The following GORASP2 variants were observed in gnomAD, a reference collection of about 807,000 sequenced individuals.
The protein encoded by GORASP2 is Golgi reassembly-stacking protein 2.
GORASP2 carries 22 observed loss-of-function variants against 45.7 expected under a neutral mutation model. The observed-to-expected ratio is 0.48, with a 90% CI of 0.34 to 0.69. The LOEUF is 0.69. GORASP2 is among the 30% of genes least tolerant of loss of function. GORASP2 has a pLI of 0.01. For missense variants in GORASP2, 491 were observed against 562.7 expected (o/e 0.87, Z 1.29); for synonymous variants, 221 against 215.6 (o/e 1.02, Z -0.22).
At chr2:170,961,798 A>T in intron 8 of GORASP2, 49 bp downstream of exon 8, 7 of 898,070 alleles carry the variant, frequency 7.8e-6, no homozygotes, top group South Asian at 1.3e-5. Context: ...AGTATTACTG[A>T]TATTTGCATC....
rs1575478904 is a variant in GORASP2 at position 170,958,676 on chromosome 2, A to ATTT, written c.823+2117_823+2118insTTT. On this transcript the variant is annotated intron_variant, in intron 7 of 9. Coordinates refer to ENST00000234160, the MANE Select transcript of GORASP2 (RefSeq NM_015530.5). Reference sequence around the variant, plus strand: ...CTCTTTTTTTTTTTTTTTTTTTTTAAAAAAAAAAAAAACAGACTCTGTTGC... The same window carrying ATTT: ...CTCTTTTTTTTTTTTTTTTTTTTTAATTTAAAAAAAAAAAACAGACTCTGTTGC... 5.5e-3 allele frequency among the ~76,000 whole-genome samples: 297 copies of ATTT among 54,368 alleles called. 1 individual carries two copies. The highest frequency in any genetic ancestry group is 0.011 in the Middle Eastern group (1 of 88). The allele number at this position is 54,368 out of a possible 152,430, so 35.7% of individuals were successfully genotyped here. A position where few individuals can be genotyped will look rare whatever the true frequency, so the allele number is the denominator to read the frequency against.
intron 6 of GORASP2, 116 bp from the exon 7 acceptor site, chr2:170,956,320 G>C (rs1030778365): frequency 2.3e-6 from 2 of 866,016 alleles, no homozygotes; most frequent in Non-Finnish European, 3.5e-6. Flanking sequence ...GATGAAGCTT[G>C]TGACAGCTCA....
At chr2:170,963,428 T>TGCC (rs1187314155) in intron 9 of GORASP2, among the ~76,000 whole-genome samples, 161 of 140,542 alleles carry the variant, frequency 1.1e-3, no homozygotes, top group African/African-American at 4.1e-3. Flanking sequence ...CAGTCCCCGC[T>TGCC]GCTACTGCTG....
intron 6 of GORASP2, 150 bp from the exon 7 acceptor site, chr2:170,956,286 G>T: frequency 3.3e-6 from 2 of 606,700 alleles, no homozygotes; most frequent in East Asian, 3.0e-5. Flanking sequence ...AATTAGGAGG[G>T]AGTGTCTGGA....
intron 1 of GORASP2, among the ~76,000 whole-genome samples, chr2:170,939,835 T>C (rs1704032798): frequency 6.6e-6 from 1 of 152,214 alleles, no homozygotes; most frequent in African/African-American, 2.4e-5. Flanking sequence ...TTATATCACA[T>C]TCCCAGATCT....
At chr2:170,954,619 T>C in intron 5 of GORASP2, 31 bp from the exon 6 acceptor site, 1 of 1,585,808 alleles carries the variant, frequency 6.3e-7, no homozygotes, top group Non-Finnish European at 8.6e-7. Flanking sequence ...CTGTGATAGA[T>C]AACAACGTTA....
chr2:170,964,451 G>A (rs368214835), intron 9 of GORASP2, among the ~76,000 whole-genome samples: 5 of 152,232 alleles, frequency 3.3e-5, no homozygotes, highest in Admixed American at 2.0e-4. Flanking sequence ...TCAGAAGTTC[G>A]AGACCAGCCT....
chr2:170,929,000 C>T, upstream of GORASP2: 1 of 254,562 alleles, frequency 3.9e-6, no homozygotes, highest in Admixed American at 5.5e-5. Context: ...CTAGTCCAAT[C>T]CAGGGCCCCG....
intron 5 of GORASP2, chr2:170,953,954 T>G (rs1322547866): frequency 6.6e-6 from 1 of 152,276 alleles, no homozygotes; most frequent in Admixed American, 6.5e-5. Flanking sequence ...TTGACAATCC[T>G]ACCAGCACTG....
rs1024819504 is a variant in GORASP2, at chr2:170,954,491, ATTTG to A, written c.567-151_567-148del. 7.0e-5 allele frequency: 43 copies of A among 610,366 alleles called. No homozygotes were observed. The Middle Eastern group carries it at 1.5e-3, about 21-fold the overall frequency. 37.8% of individuals were successfully genotyped at this position (610,366 alleles called of 1,614,324 possible). A position where few individuals can be genotyped will look rare whatever the true frequency, so the allele number is the denominator to read the frequency against. On this transcript the variant is annotated intron_variant, in intron 5 of 9. Transcript: ENST00000234160. Reference sequence around the variant, plus strand: ...GATGACATTATCTAAAAGAATAGAAATTTGTTTGTTTTTATCTTTTAAAATCTCA... The same window carrying A: ...GATGACATTATCTAAAAGAATAGAAATTTGTTTTTATCTTTTAAAATCTCA...
chr2:170,948,257 G>A, intron 1 of GORASP2, 93 bp from the exon 2 acceptor site: 1 of 745,418 alleles, frequency 1.3e-6, no homozygotes. Flanking sequence ...CATTATCAGT[G>A]AAATTGGTCT....
intron 1 of GORASP2, among the ~76,000 whole-genome samples, chr2:170,934,664 A>G (rs1455580935): frequency 6.6e-6 from 1 of 152,162 alleles, no homozygotes; most frequent in Admixed American, 6.5e-5. Context: ...TTTTCTATAT[A>G]TAAAGTTATA....
At chr2:170,931,234 T>C (rs1038386635) in intron 1 of GORASP2, among the ~76,000 whole-genome samples, 1 of 152,212 alleles carries the variant, frequency 6.6e-6, no homozygotes, top group Admixed American at 6.5e-5. Context: ...ATAATTCTTA[T>C]TTAGTTAGAC....
intron 8 of GORASP2, among the ~76,000 whole-genome samples, chr2:170,962,199 C>T (rs890670339): frequency 1.3e-5 from 2 of 152,250 alleles, no homozygotes; most frequent in African/African-American, 4.8e-5. Flanking sequence ...CCAGTGAAGA[C>T]CAAGTCCCTT....
At chr2:170,951,295 C>A in intron 4 of GORASP2, 33 bp from the exon 5 acceptor site, 1 of 1,560,596 alleles carries the variant, frequency 6.4e-7, no homozygotes, top group South Asian at 1.2e-5. Flanking sequence ...AGTATGGTAA[C>A]GTGAAACATT....
At chr2:170,961,622 C>G (rs1704563266) in intron 7 of GORASP2, 41 bp from the exon 8 acceptor site, 3 of 1,064,954 alleles carry the variant, frequency 2.8e-6, no homozygotes, top group Non-Finnish European at 2.9e-6. Context: ...TTCTTGTCGA[C>G]TAAATTTGTT....
At position 170,960,989 on chromosome 2, in the gene GORASP2, G is replaced by A. The variant is rs113056586; in HGVS notation, c.824-674G>A. Among the ~76,000 whole-genome samples the A allele has an allele frequency of 4.0e-3, 609 of 152,268 alleles. 8 individuals are homozygous for A. The highest frequency in any genetic ancestry group is 0.014 in the African/African-American group (565 of 41,540). On this transcript the variant is annotated intron_variant, in intron 7 of 9. Coordinates refer to ENST00000234160, the MANE Select transcript of GORASP2 (RefSeq NM_015530.5). ...TTTATTGTTTCGACATCAGCAAAAC[G>A]TCCCACTGGGGTAGGTGGTAAACGT...
At position 170,948,392 on chromosome 2, in the gene GORASP2, T is replaced by G; in HGVS notation, c.106T>G (p.Phe36Val). The G allele has an allele frequency of 3.1e-6, 5 of 1,598,790 alleles. No homozygotes were observed. The highest frequency in any genetic ancestry group is 3.4e-6 in the Non-Finnish European group (4 of 1,167,368). The change falls in exon 2 of 10, where the codon TTC (phenylalanine) becomes GTC (valine). Residue 36 changes from phenylalanine (F) to valine (V), a missense_variant. Coordinates refer to ENST00000234160, the MANE Select transcript of GORASP2 (RefSeq NM_015530.5). The stretch of plus-strand genomic sequence containing the variant: ...AGGACACAGAGCTGGTTTGGAGCCT[T>G]TCTTTGATTTTATTGTTTCTATTAA... ...SPGHRAGLEP[F>V]FDFIVSINGS...
chr2:170,962,875 C>T lies in GORASP2; in HGVS notation c.947C>T (p.Pro316Leu), dbSNP rs1559316509. Reference protein sequence around the residue: ...MPLPAGLPNLPNLNLNLPAPH... With the variant: ...MPLPAGLPNLLNLNLNLPAPH... ...TTACCAGCAGGACTGCCCAACCTCCCCAACCTCAACCTCAACCTCCCAGCA... is the reference window on the plus strand; with the variant it reads ...TTACCAGCAGGACTGCCCAACCTCCTCAACCTCAACCTCAACCTCCCAGCA... The change falls in exon 9 of 10, where the codon CCC (proline) becomes CTC (leucine). Residue 316 changes from proline (P) to leucine (L), a missense_variant. By Grantham distance (98) the Pro-to-Leu change is moderately conservative (BLOSUM62 -3). This residue lies in a region of GORASP2 where 297 missense variants were observed against 292.3 expected (regional missense o/e 1.02). Coordinates refer to ENST00000234160, the MANE Select transcript of GORASP2 (RefSeq NM_015530.5). 6.2e-7 allele frequency: 1 copy of T among 1,613,994 alleles called. No homozygotes were observed.
Sources: gnomAD v4.1 joint callset for allele counts (sites outside exome capture counted in the v4.1 genomes callset) on GRCh38, gnomAD v4.1.1 for gene constraint, gnomAD v4.1.1 regional missense constraint, MANE v1.5 for transcripts, NCBI Gene and HGNC (gene_info 2026-07-23, HGNC 2026-07-21) for gene names.